Variants in WDR4 observed in about 807,000 individuals in gnomAD.
The protein encoded by WDR4 is WDR4 tRNA N7-guanosine methyltransferase non-catalytic subunit, also known as tRNA (guanine-N(7)-)-methyltransferase non-catalytic subunit WDR4.
Under a neutral mutation model 48.6 loss-of-function variants are expected in WDR4, and 47 were observed. The ratio of observed to expected loss-of-function variants is 0.97; its 90% CI spans 0.77 to 1.23. The LOEUF is 1.23. Ranked by LOEUF, WDR4 falls within the 50% of genes most tolerant of loss-of-function variation. The probability of loss-of-function intolerance (pLI) is 0.00; values close to 1 mark genes in which losing one functional copy is unlikely to be tolerated. For synonymous variants in WDR4, 268 were observed against 230.0 expected (o/e 1.17, Z -1.49); for missense variants, 606 against 551.6 (o/e 1.10, Z -0.99).
chr21:42,867,429 A>C (rs1174829317), intron 3 of WDR4, among the ~76,000 whole-genome samples: 1 of 151,796 alleles, frequency 6.6e-6, no homozygotes, highest in Non-Finnish European at 1.5e-5. Flanking sequence ...CGCACAGGTA[A>C]AGGGGCACTG....
At chr21:42,847,364 G>C (rs2057719844), downstream of WDR4, among the ~76,000 whole-genome samples, 1 of 152,162 alleles carries the variant, frequency 6.6e-6, no homozygotes, top group African/African-American at 2.4e-5. Flanking sequence ...GGATGACTTC[G>C]GGCAGGTGAA....
chr21:42,887,901 GACAAAGCAAGACTCCGTGTCAAAAAAAAA>G, the WDR4 span, among the ~76,000 whole-genome samples: 1 of 150,690 alleles, frequency 6.6e-6, no homozygotes, highest in Non-Finnish European at 1.5e-5. Flanking sequence ...CAGCCTGAGT[GACAAAGCAAGACTCCGTGTCAAAAAAAAA>G]ACAAAAACAA....
rs138295040 is a variant in WDR4, at chr21:42,879,463, C to T, written c.33G>A (p.Gly11=). 8,224 of 1,613,682 alleles carry T rather than the reference C, an allele frequency of 5.1e-3. 37 individuals are homozygous for T. The highest frequency in any genetic ancestry group is 7.4e-3 in the Middle Eastern group (45 of 6,062). Residue 11 remains glycine (G), a synonymous_variant, in exon 1 of 11, where the codon GGG becomes GGA. Transcript: ENST00000398208. ...TGCCGCCCCGCACCACCAACGTCTG[C>T]CCGCACAACGCCAGTCCCACAGAGC... MAGSVGLALC[G]QTLVVRGGSR... is the part of the protein sequence containing the mutation.
rs7276320 is a variant in WDR4, at chr21:42,849,478, G to A, written c.*571C>T. ...GCCAGACAGAGCTCCCTGCGACTCC[G>A]AAACGTGTTTCTCACTTCCCACAAG... On this transcript the variant is annotated 3_prime_UTR_variant, in exon 11 of 11. Transcript: ENST00000398208. The A allele has an allele frequency of 0.2, 30,736 of 152,254 alleles. 4,442 individuals are homozygous for A. Among genetic ancestry groups the A allele is most frequent in the African/African-American group, 0.41 (17,117 of 41,398 alleles). The allele number at this position is 152,254 out of a possible 1,614,324, so 9.4% of individuals were successfully genotyped here.
In WDR4 at chr21:42,863,461, G is replaced by A; in HGVS notation, c.432C>T (p.His144=). ...CTACCACATCTAACAGCATAGACAG[G>A]TGCCCCAGCTCTAGACGGCCACACC... ...PHGCGRLELG[H]LSMLLDVAVS... is the part of the protein sequence containing the mutation. The change falls in exon 4 of 11, where the codon CAC becomes CAT. Residue 144 remains histidine, a synonymous_variant. Coordinates refer to ENST00000398208, the MANE Select transcript of WDR4 (RefSeq NM_018669.6). 6.2e-7 allele frequency: 1 copy of A among 1,613,248 alleles called. No homozygotes were observed.
At chr21:42,888,753 T>G in the WDR4 span, among the ~76,000 whole-genome samples, 1 of 150,606 alleles carries the variant, frequency 6.6e-6, no homozygotes, top group African/African-American at 2.4e-5. Context: ...CAGGATGGAG[T>G]GCAGTAGAGT....
chr21:42,843,254 A>G (rs773009917), exon 12 of WDR4: 1 of 152,136 alleles, frequency 6.6e-6, no homozygotes, highest in Non-Finnish European at 1.5e-5. Flanking sequence ...GATCGCACAT[A>G]AGTGGTCCAC....
chr21:42,848,439 C>T (rs1200792464), downstream of WDR4, among the ~76,000 whole-genome samples: 23 of 122,636 alleles, frequency 1.9e-4, no homozygotes, highest in African/African-American at 6.8e-4. Flanking sequence ...CACAATCACG[C>T]GGCGCGCACC....
chr21:42,845,921 C>A (rs1569307106), downstream of WDR4, among the ~76,000 whole-genome samples: 1 of 152,126 alleles, frequency 6.6e-6, no homozygotes, highest in Non-Finnish European at 1.5e-5. Flanking sequence ...CTGCTTGAGG[C>A]CAGAAGTTCG....
chr21:42,879,717 C>A, upstream of WDR4: 1 of 542,916 alleles, frequency 1.8e-6, no homozygotes. Context: ...AGTTCACTCA[C>A]CAAGGTGATC....
At chr21:42,848,450 T>TCACA (rs201033353), downstream of WDR4, among the ~76,000 whole-genome samples, 1 of 98,672 alleles carries the variant, frequency 1.0e-5, no homozygotes, top group Non-Finnish European at 1.9e-5. Context: ...GGCGCGCACC[T>TCACA]CACACAGCGC....
chr21:42,890,718 G>A, the WDR4 span, among the ~76,000 whole-genome samples: 1 of 152,220 alleles, frequency 6.6e-6, no homozygotes, highest in Admixed American at 6.5e-5. Context: ...CCCACAGAAA[G>A]ACTCTGGGCA....
At chr21:42,854,116 C>T (rs1174092567) in intron 8 of WDR4, among the ~76,000 whole-genome samples, 1 of 152,208 alleles carries the variant, frequency 6.6e-6, no homozygotes, top group Non-Finnish European at 1.5e-5. Flanking sequence ...TGAAAAGTGC[C>T]GAAAGCACCA....
chr21:42,892,903 T>A, the WDR4 span, among the ~76,000 whole-genome samples: 2 of 152,258 alleles, frequency 1.3e-5, no homozygotes, highest in Admixed American at 6.5e-5. Flanking sequence ...GAACTATCAA[T>A]CAAGTAGGAC....
chr21:42,856,329 C>T (rs1039227410), intron 6 of WDR4, among the ~76,000 whole-genome samples: 6 of 152,222 alleles, frequency 3.9e-5, no homozygotes, highest in East Asian at 1.9e-4. Context: ...AGAGGCTCCA[C>T]GCTCTAAAAC....
chr21:42,863,797 A>C (rs962623726), intron 3 of WDR4, among the ~76,000 whole-genome samples: 1 of 151,798 alleles, frequency 6.6e-6, no homozygotes, highest in African/African-American at 2.4e-5. Flanking sequence ...TTACTTTCAC[A>C]ACGTTTTTCT....
chr21:42,880,146 G>A (rs2058595930), upstream of WDR4, among the ~76,000 whole-genome samples: 1 of 151,080 alleles, frequency 6.6e-6, no homozygotes, highest in Non-Finnish European at 1.5e-5. Context: ...AAAAAAAAAT[G>A]TCCAAGATGT....
chr21:42,870,599 C>G (rs1311303088), intron 3 of WDR4, among the ~76,000 whole-genome samples: 2 of 152,056 alleles, frequency 1.3e-5, no homozygotes, highest in South Asian at 4.1e-4. Flanking sequence ...ACCAGCCTGG[C>G]CAACATGGTG....
Position 42,876,718 on chromosome 21 carries a change from ACTT to A in WDR4, c.136_138del (p.Lys46del), listed in dbSNP as rs745805783. ...ACATCTCACCCTTTATTTTCTTGTG[ACTT>A]CTTTTCTGCAGCACTGCAGTCATAG... On this transcript the variant is annotated inframe_deletion, in exon 2 of 11. Coordinates refer to ENST00000398208, the MANE Select transcript of WDR4 (RefSeq NM_018669.6). 32 of 1,613,398 alleles carry A rather than the reference ACTT, an allele frequency of 2.0e-5. No individual in the cohort carries two copies. The highest frequency in any genetic ancestry group is 2.5e-5 in the Non-Finnish European group (30 of 1,179,798).
Sources: allele counts gnomAD v4.1 joint callset (sites outside exome capture counted in the v4.1 genomes callset), GRCh38; gene constraint gnomAD v4.1.1; transcripts MANE v1.5; gene names NCBI Gene and HGNC (gene_info 2026-07-23, HGNC 2026-07-21).